The following RYR2 variants were observed in gnomAD, a reference collection of about 807,000 sequenced individuals.
RYR2 encodes the protein ryanodine receptor 2, also known as cardiac muscle ryanodine receptor-calcium release channel.
RYR2 carries 227 observed loss-of-function variants against 601.1 expected under a neutral mutation model. The observed-to-expected ratio is 0.38, with a 90% CI of 0.34 to 0.42. The LOEUF is 0.42. RYR2 is among the 10% of genes least tolerant of loss of function. The probability of loss-of-function intolerance (pLI) is 1.00; values close to 1 mark genes in which losing one functional copy is unlikely to be tolerated. For synonymous variants in RYR2, 2,223 were observed against 2,175.1 expected (o/e 1.02, Z -0.61); for missense variants, 4,646 against 6,156.5 (o/e 0.75, Z 8.21).
intron 25 of RYR2, among the ~76,000 whole-genome samples, chr1:237,545,664 A>G (rs1346209954): frequency 3.3e-5 from 5 of 152,206 alleles, no homozygotes; most frequent in African/African-American, 1.2e-4. Context: ...GGCTGCCTCC[A>G]GCAAACTGTT....
chr1:237,094,846 C>CTCCCAAA (rs984205793), intron 1 of RYR2, among the ~76,000 whole-genome samples: 35 of 152,200 alleles, frequency 2.3e-4, no homozygotes, highest in Non-Finnish European at 4.0e-4. Context: ...CTGCCTTGGC[C>CTCCCAAA]TCCCAAAGTG....
At chr1:237,173,782 C>T (rs183577046) in intron 1 of RYR2, among the ~76,000 whole-genome samples, 323 of 152,232 alleles carry the variant, frequency 2.1e-3, no homozygotes, top group Non-Finnish European at 3.4e-3. Context: ...GTTGGCCGGG[C>T]GCGGTGGCTC....
rs911010089 is a variant in RYR2 at position 237,614,990 on chromosome 1, A to G, written c.5715+147A>G. On this transcript the variant is annotated intron_variant, in intron 37 of 104. Transcript: ENST00000366574. This position sits in a 1 kb window ranked among gnomAD's most constrained non-coding sequence, Gnocchi z 4.3. ...TCTTCATAAAATTAACTAACTTCCT[A>G]TTCTTTTCCCTCTTATTCATTAGCC... The G allele has an allele frequency of 9.4e-6, 8 of 847,584 alleles. No individual in the cohort carries two copies. The highest frequency in any genetic ancestry group is 4.4e-5 in the South Asian group (2 of 45,644). The allele number at this position is 847,584 out of a possible 1,614,324, so 52.5% of individuals were successfully genotyped here. A position where few individuals can be genotyped will look rare whatever the true frequency, so the allele number is the denominator to read the frequency against.
chr1:237,104,425 C>T (rs944049252), intron 1 of RYR2, among the ~76,000 whole-genome samples: 9 of 152,170 alleles, frequency 5.9e-5, no homozygotes, highest in Non-Finnish European at 1.3e-4. Flanking sequence ...ACCTGTAAGA[C>T]CAGGCCAGCT....
intron 98 of RYR2, among the ~76,000 whole-genome samples, chr1:237,802,929 A>G (rs1478185634): frequency 6.6e-6 from 1 of 152,194 alleles, no homozygotes; most frequent in East Asian, 1.9e-4. Flanking sequence ...TTCCTTAGAC[A>G]GCGTTCTGCT....
chr1:237,420,252 A>C (rs1334968740), intron 11 of RYR2, among the ~76,000 whole-genome samples: 2 of 152,190 alleles, frequency 1.3e-5, no homozygotes, highest in African/African-American at 4.8e-5. Context: ...GATATGTGTT[A>C]GTTCCTGTAA....
chr1:237,579,863 T>C (rs1673695650), intron 29 of RYR2, among the ~76,000 whole-genome samples: 2 of 152,096 alleles, frequency 1.3e-5, no homozygotes, highest in Admixed American at 1.3e-4. Flanking sequence ...AATATGTACA[T>C]AATTCAAACT....
At chr1:237,219,804 T>C (rs753761268) in intron 1 of RYR2, among the ~76,000 whole-genome samples, 1 of 152,192 alleles carries the variant, frequency 6.6e-6, no homozygotes, top group Non-Finnish European at 1.5e-5. Context: ...TGAAGAAGTG[T>C]GAAACCAGGT....
rs771684537 is a variant in RYR2, at chr1:237,643,365, G to A, written c.7260G>A (p.Arg2420=). The A allele has an allele frequency of 7.4e-6, 12 of 1,613,700 alleles. No individual in the cohort carries two copies. Among genetic ancestry groups the A allele is most frequent in the Non-Finnish European group, 1.0e-5 (12 of 1,179,778 alleles). Residue 2420 remains arginine, a synonymous_variant, in exon 48 of 105, where the codon AGG becomes AGA. Coordinates refer to ENST00000366574, the MANE Select transcript of RYR2 (RefSeq NM_001035.3). ...HAGKGEAIRI[R]SILRSLIPLG... ...GGAAGGGAGAAGCCATCAGAATTAG[G>A]TCCATTTTGAGATCCCTCATTCCCC...
At chr1:237,718,049 G>A (rs1436734704) in intron 72 of RYR2, among the ~76,000 whole-genome samples, 1 of 152,168 alleles carries the variant, frequency 6.6e-6, no homozygotes, top group Non-Finnish European at 1.5e-5. Context: ...AGCTCTACTG[G>A]CAGTTCTCTA....
At chr1:237,798,801 CATAT>C (rs1553331126) in intron 97 of RYR2, among the ~76,000 whole-genome samples, 1 of 148,306 alleles carries the variant, frequency 6.7e-6, no homozygotes, top group African/African-American at 2.6e-5. Flanking sequence ...CACACACACA[CATAT>C]AGTGTGAGTG....
At chr1:237,354,311 T>A (rs1699112859) in intron 3 of RYR2, among the ~76,000 whole-genome samples, 1 of 151,948 alleles carries the variant, frequency 6.6e-6, no homozygotes, top group Admixed American at 6.6e-5. Context: ...TCTGAAAAAA[T>A]CCCATAACTT....
chr1:237,731,983 C>A (rs1413819741), intron 77 of RYR2, 63 bp from the exon 78 acceptor site: 3 of 1,035,992 alleles, frequency 2.9e-6, no homozygotes, highest in Non-Finnish European at 4.5e-6. Context: ...CTTCACAGTG[C>A]TTTTGGATTT....
intron 29 of RYR2, 94 bp from the exon 30 acceptor site, chr1:237,589,699 C>T: frequency 8.1e-7 from 1 of 1,237,748 alleles, no homozygotes. Context: ...ACAGCTCTCA[C>T]AAAGTTCGGT....
chr1:237,284,571 T>TATAC (rs1471636244), intron 2 of RYR2, among the ~76,000 whole-genome samples: 14 of 91,320 alleles, frequency 1.5e-4, no homozygotes, highest in Non-Finnish European at 2.6e-4. Flanking sequence ...CCACCATATA[T>TATAC]ATACACACAC....
chr1:237,492,165 G>A (rs919654198), intron 18 of RYR2, among the ~76,000 whole-genome samples: 2 of 152,092 alleles, frequency 1.3e-5, no homozygotes, highest in African/African-American at 4.8e-5. Flanking sequence ...TCAAGTAGCT[G>A]GGACTACAGG....
chr1:237,173,980 C>T (rs1677722357), intron 1 of RYR2, among the ~76,000 whole-genome samples: 1 of 152,076 alleles, frequency 6.6e-6, no homozygotes, highest in African/African-American at 2.4e-5. Flanking sequence ...TGGCATGAAC[C>T]TGGGAGGCAG....
chr1:237,305,304 G>A (rs1693762468), intron 2 of RYR2, among the ~76,000 whole-genome samples: 1 of 152,040 alleles, frequency 6.6e-6, no homozygotes, highest in Non-Finnish European at 1.5e-5. Context: ...AAATGAATGG[G>A]CCACAGGAGT....
chr1:237,578,337 C>T (rs1233852458), intron 29 of RYR2, among the ~76,000 whole-genome samples: 1 of 152,034 alleles, frequency 6.6e-6, no homozygotes, highest in Non-Finnish European at 1.5e-5. Flanking sequence ...ATAGTAGTAT[C>T]CTCTCTTTTA....
Sources: gnomAD v4.1 joint callset for allele counts (sites outside exome capture counted in the v4.1 genomes callset) on GRCh38, gnomAD v4.1.1 for gene constraint, Gnocchi (gnomAD v3.1) non-coding constraint, MANE v1.5 for transcripts, NCBI Gene and HGNC (gene_info 2026-07-23, HGNC 2026-07-21) for gene names.